ACAD11: variants seen among roughly 807,000 people sequenced by gnomAD.
ACAD11 encodes acyl-CoA dehydrogenase family member 11.
Under a neutral mutation model 102.2 loss-of-function variants are expected in ACAD11, and 83 were observed. The ratio of observed to expected loss-of-function variants is 0.81; its 90% confidence interval spans 0.68 to 0.97. The LOEUF (loss-of-function observed/expected upper bound fraction) is 0.97. ACAD11 is among the 50% of genes least tolerant of loss of function. ACAD11 has a pLI of 0.00. For missense variants in ACAD11, 901 were observed against 951.7 expected, an observed-to-expected ratio of 0.95 and a Z score of 0.70; for synonymous variants, 324 against 319.8, an observed-to-expected ratio of 1.01 and a Z score of -0.14.
chr3:132,641,650 G>GGAGGAAGAA (rs1940517865), intron 4 of ACAD11, among the ~76,000 whole-genome samples: 1 of 141,152 alleles, frequency 7.1e-6, no homozygotes, highest in African/African-American at 2.6e-5. Flanking sequence ...AGGAAGAAGA[G>GGAGGAAGAA]GAGGAAGAAG....
chr3:132,598,967 C>T (rs556793444), intron 13 of ACAD11, among the ~76,000 whole-genome samples: 1 of 152,214 alleles, frequency 6.6e-6, no homozygotes, highest in Non-Finnish European at 1.5e-5. Context: ...GTAAGAAAAA[C>T]GTTTTTGAAA....
Position 132,646,644 on chromosome 3 carries a change from T to TG in ACAD11, c.150-1749dup, listed in dbSNP as rs1195638512. 2.0e-5 allele frequency: 3 copies of TG among 152,206 alleles called. No individual in the cohort carries two copies. In the East Asian group the frequency reaches 5.8e-4, roughly 29 times the overall value. 9.4% of individuals were successfully genotyped at this position (152,206 alleles called of 1,614,324 possible). A position where few individuals can be genotyped will look rare whatever the true frequency, so the allele number is the denominator to read the frequency against. ...ATTAACACAAAAACTTGTACATGAA[T>TG]GTTCACAGCAGTACAATTCACAACA... is the stretch of plus-strand genomic sequence containing the variant. On this transcript the variant is annotated intron_variant, in intron 1 of 19. Transcript: ENST00000264990.
rs184433600 is a variant in ACAD11 at position 132,638,926 on chromosome 3, A to C, written c.702+566T>G. Among the ~76,000 whole-genome samples, 7 of 152,284 alleles carry C rather than the reference A, an allele frequency of 4.6e-5. No homozygotes were observed. The East Asian group carries it at 1.3e-3, about 29-fold the overall frequency. ...TTCATTCCTACTATACTGTAATCCT[A>C]GGCCTCATTGTAGGTGCTCAGTGGA... On this transcript the variant is annotated intron_variant, in intron 5 of 19. Coordinates refer to ENST00000264990, the MANE Select transcript of ACAD11 (RefSeq NM_032169.5).
At chr3:132,634,914 G>T (rs1468198645) in intron 5 of ACAD11, among the ~76,000 whole-genome samples, 3 of 138,546 alleles carry the variant, frequency 2.2e-5, no homozygotes, top group Non-Finnish European at 4.7e-5. Flanking sequence ...GTGGGGTGGG[G>T]GGGTGGGGAG....
chr3:132,576,806 C>A, intron 16 of ACAD11, 138 bp downstream of exon 16: 1 of 659,022 alleles, frequency 1.5e-6, no homozygotes, highest in Non-Finnish European at 2.6e-6. Context: ...GTTCAAAAAC[C>A]GCAATAACTT....
At chr3:132,628,813 T>C (rs1939923596) in intron 7 of ACAD11, among the ~76,000 whole-genome samples, 1 of 152,166 alleles carries the variant, frequency 6.6e-6, no homozygotes, top group Admixed American at 6.5e-5. Context: ...TAAAAAACTA[T>C]AAAATCAAAA....
intron 11 of ACAD11, among the ~76,000 whole-genome samples, chr3:132,611,723 G>C (rs9871877): frequency 6.6e-6 from 1 of 152,014 alleles, no homozygotes; most frequent in African/African-American, 2.4e-5. Context: ...TGAAATAAAA[G>C]AGGATACAAA....
intron 5 of ACAD11, among the ~76,000 whole-genome samples, chr3:132,633,482 T>A (rs62291556): frequency 0.092 from 14,044 of 152,232 alleles, 807 homozygotes; most frequent in Middle Eastern, 0.14. Context: ...TTGCCAGTAT[T>A]TTATTGAGGA....
At chr3:132,577,075 T>G (rs951573566) in intron 15 of ACAD11, 60 bp from the exon 16 acceptor site, 14 of 954,252 alleles carry the variant, frequency 1.5e-5, no homozygotes, top group Non-Finnish European at 2.0e-5. Context: ...AGTCACATAT[T>G]CTTAATCTGC....
intron 17 of ACAD11, among the ~76,000 whole-genome samples, chr3:132,563,420 G>C (rs1013450746): frequency 6.6e-6 from 1 of 152,084 alleles, no homozygotes; most frequent in African/African-American, 2.4e-5. Context: ...TAATCTGTTA[G>C]TCTTCTAATC....
At chr3:132,645,412 C>G (rs1046406167) in intron 1 of ACAD11, among the ~76,000 whole-genome samples, 1 of 152,318 alleles carries the variant, frequency 6.6e-6, no homozygotes, top group African/African-American at 2.4e-5. Flanking sequence ...CAGTGAGCAT[C>G]TGGCCCAGGG....
intron 5 of ACAD11, among the ~76,000 whole-genome samples, chr3:132,632,086 ATTT>A (rs67471074): frequency 1.4e-5 from 2 of 141,720 alleles, no homozygotes; most frequent in African/African-American, 2.6e-5. Context: ...ATATATATGT[ATTT>A]TTTTTTTTTT....
chr3:132,578,660 A>C, intron 15 of ACAD11, 136 bp downstream of exon 15: 1 of 903,374 alleles, frequency 1.1e-6, no homozygotes, highest in Non-Finnish European at 1.7e-6. Flanking sequence ...ACCAGCATTT[A>C]TATTAAGACA....
chr3:132,606,125 T>C (rs1357623543), intron 11 of ACAD11, among the ~76,000 whole-genome samples: 1 of 152,212 alleles, frequency 6.6e-6, no homozygotes, highest in African/African-American at 2.4e-5. Context: ...TGTTGATTAT[T>C]CAGAAGATTT....
chr3:132,579,210 G>T (rs1302693001), intron 14 of ACAD11: 5 of 712,754 alleles, frequency 7.0e-6, no homozygotes, highest in Non-Finnish European at 1.0e-5. Context: ...ACACAGGTCT[G>T]AAAAAATTTG....
chr3:132,605,354 T>C (rs1453303162), intron 11 of ACAD11, 149 bp from the exon 12 acceptor site: 1 of 509,266 alleles, frequency 2.0e-6, no homozygotes, highest in East Asian at 3.1e-5. Context: ...ATATAATTTA[T>C]ACTGACAGCA....
At chr3:132,606,651 T>G (rs1187788494) in intron 11 of ACAD11, among the ~76,000 whole-genome samples, 1 of 152,112 alleles carries the variant, frequency 6.6e-6, no homozygotes, top group African/African-American at 2.4e-5. Flanking sequence ...TAGACGAAAC[T>G]CCCATCTCCC....
intron 10 of ACAD11, 24 bp from the exon 11 acceptor site, chr3:132,618,796 G>C: frequency 6.5e-7 from 1 of 1,526,732 alleles, no homozygotes; most frequent in East Asian, 2.4e-5. Context: ...GAACATGCCA[G>C]AGTGACCATA....
chr3:132,582,973 TACATCG>T (rs1237924712), intron 13 of ACAD11, among the ~76,000 whole-genome samples: 1 of 152,164 alleles, frequency 6.6e-6, no homozygotes. Context: ...CAACATGCAT[TACATCG>T]ATGTTCATCA....
Sources: allele counts gnomAD v4.1 joint callset (sites outside exome capture counted in the v4.1 genomes callset), GRCh38; gene constraint gnomAD v4.1.1; transcripts MANE v1.5; gene names NCBI Gene and HGNC (gene_info 2026-07-23, HGNC 2026-07-21).